Variants in IL18R1 observed in about 807,000 individuals in gnomAD.
IL18R1 encodes interleukin-18 receptor 1.
A neutral mutation model predicts 48.5 loss-of-function variants in IL18R1; 40 were observed. The ratio of observed to expected loss-of-function variants is 0.82; its 90% CI spans 0.64 to 1.07. The LOEUF (loss-of-function observed/expected upper bound fraction) is 1.07. Ranked by LOEUF, IL18R1 falls within the 50% of genes least tolerant of loss-of-function variation. The pLI is 0.00. For missense variants in IL18R1, 596 were observed against 633.7 expected, an observed-to-expected ratio of 0.94 and a Z score of 0.64; for synonymous variants, 232 against 225.9, an observed-to-expected ratio of 1.03 and a Z score of -0.24.
chr2:102,377,874 G>A (rs191408181), intron 5 of IL18R1, among the ~76,000 whole-genome samples: 108 of 152,230 alleles, frequency 7.1e-4, no homozygotes, highest in African/African-American at 2.4e-3. Context: ...GTAACATATC[G>A]TATTCACAGG....
chr2:102,385,186 T>C (rs546758907), intron 7 of IL18R1, among the ~76,000 whole-genome samples, 188 bp downstream of exon 7: 1 of 152,292 alleles, frequency 6.6e-6, no homozygotes, highest in East Asian at 1.9e-4. Flanking sequence ...CAGAAATGTA[T>C]TGCCAAGATC....
intron 3 of IL18R1, among the ~76,000 whole-genome samples, chr2:102,368,579 C>T (rs545272011): frequency 4.6e-5 from 7 of 152,078 alleles, no homozygotes; most frequent in East Asian, 1.9e-4. Context: ...GGCAGCCAAT[C>T]GCAACCCACA....
chr2:102,395,538 C>A (rs1253271888), intron 10 of IL18R1, among the ~76,000 whole-genome samples: 1 of 151,986 alleles, frequency 6.6e-6, no homozygotes, highest in Non-Finnish European at 1.5e-5. Context: ...TAGTAATAAA[C>A]AACTTGTCAA....
Position 102,394,465 on chromosome 2 carries a change from C to T in IL18R1, c.1112-4C>T. ...GAATTAAAAGAGCCAATCTTACCTC[C>T]TAGATGGAAAAACATATGATGCTTT... On this transcript the variant is annotated splice_region_variant and splice_polypyrimidine_tract_variant and intron_variant, in intron 9 of 10. Transcript: ENST00000233957. The T allele has an allele frequency of 6.2e-7, 1 of 1,603,732 alleles. No homozygotes were observed. The highest frequency in any genetic ancestry group is 8.5e-7 in the Non-Finnish European group (1 of 1,174,138).
At chr2:102,370,921 C>T (rs754007248) in intron 3 of IL18R1, among the ~76,000 whole-genome samples, 1 of 152,210 alleles carries the variant, frequency 6.6e-6, no homozygotes, top group Non-Finnish European at 1.5e-5. Context: ...CACGCATCTG[C>T]TGTATTTAGC....
In IL18R1 at chr2:102,376,409, G is replaced by A. The variant is rs948210238; in HGVS notation, c.625+346G>A. ...ATCTATACTCAATAAACTGTACTTA[G>A]CACAAGGAGGCAGGGAAGCAAGGAA... On this transcript the variant is annotated intron_variant, in intron 5 of 10. Transcript: ENST00000233957. Among the ~76,000 whole-genome samples the A allele has an allele frequency of 5.3e-5, 8 of 152,296 alleles. No homozygotes were observed. The South Asian group carries it at 1.7e-3, about 32-fold the overall frequency.
chr2:102,365,895 G>A (rs1305373983), intron 2 of IL18R1, among the ~76,000 whole-genome samples: 2 of 152,136 alleles, frequency 1.3e-5, no homozygotes, highest in Non-Finnish European at 2.9e-5. Flanking sequence ...TGGCTGGAGG[G>A]GTAGGATGCA....
intron 6 of IL18R1, among the ~76,000 whole-genome samples, chr2:102,382,714 TA>T (rs756453893): frequency 2.6e-5 from 4 of 152,216 alleles, no homozygotes; most frequent in Non-Finnish European, 5.9e-5. Flanking sequence ...CCCCACCTTA[TA>T]ACCACAGTTG....
At chr2:102,393,060 C>T (rs964321504) in intron 9 of IL18R1, among the ~76,000 whole-genome samples, 2 of 152,004 alleles carry the variant, frequency 1.3e-5, no homozygotes, top group Non-Finnish European at 2.9e-5. Flanking sequence ...GTAATATAAA[C>T]CCATATTTGA....
At chr2:102,376,254 G>A (rs1679578668) in intron 5 of IL18R1, among the ~76,000 whole-genome samples, 191 bp downstream of exon 5, 1 of 152,042 alleles carries the variant, frequency 6.6e-6, no homozygotes, top group South Asian at 2.1e-4. Context: ...TTTCTTTTTG[G>A]CAGGAAATGA....
chr2:102,370,021 G>C (rs1679159927), intron 3 of IL18R1, among the ~76,000 whole-genome samples: 1 of 152,232 alleles, frequency 6.6e-6, no homozygotes, highest in African/African-American at 2.4e-5. Context: ...TTGGTGAGCA[G>C]CCTCAGAAGT....
rs1680488034 is a variant in IL18R1 at position 102,390,237 on chromosome 2, A to C, written c.1111+20A>C. 1.2e-6 allele frequency: 2 copies of C among 1,604,876 alleles called. No homozygotes were observed. The highest frequency in any genetic ancestry group is 2.2e-5 in the East Asian group (1 of 44,810). On this transcript the variant is annotated intron_variant, in intron 9 of 10. Transcript: ENST00000233957. ...TAACAGGTAACACATATAATGCTGG[A>C]ATTTCTTACCTTATGTTCTCATTAA...
At chr2:102,377,411 T>C (rs932589442) in intron 5 of IL18R1, among the ~76,000 whole-genome samples, 2 of 152,158 alleles carry the variant, frequency 1.3e-5, no homozygotes, top group African/African-American at 4.8e-5. Context: ...GCCTCCTGGG[T>C]TCACACCATT....
At chr2:102,358,567 A>G (rs1240406225) in intron 1 of IL18R1, among the ~76,000 whole-genome samples, 2 of 152,212 alleles carry the variant, frequency 1.3e-5, no homozygotes, top group Non-Finnish European at 2.9e-5. Flanking sequence ...TATGCATTTA[A>G]GATGTATTAA....
intron 6 of IL18R1, among the ~76,000 whole-genome samples, chr2:102,383,205 C>G (rs1680018424): frequency 6.6e-6 from 1 of 152,184 alleles, no homozygotes; most frequent in Admixed American, 6.5e-5. Flanking sequence ...TTAAGGCCCA[C>G]AGTATGGTAT....
chr2:102,396,511 G>T lies in IL18R1; in HGVS notation c.1271-20G>T. Reference sequence around the variant, plus strand: ...CCTTTCAGTTATCTTAAATTAATAGGGGTTATCTTGCATTTTCAGCTGTTG... The same window carrying T: ...CCTTTCAGTTATCTTAAATTAATAGTGGTTATCTTGCATTTTCAGCTGTTG... On this transcript the variant is annotated intron_variant, in intron 10 of 10. Transcript: ENST00000233957. 7.1e-7 allele frequency: 1 copy of T among 1,399,708 alleles called. No homozygotes were observed. The highest frequency in any genetic ancestry group is 1.2e-5 in the South Asian group (1 of 80,006). 86.7% of individuals were successfully genotyped at this position (1,399,708 alleles called of 1,614,324 possible). A position where few individuals can be genotyped will look rare whatever the true frequency, so the allele number is the denominator to read the frequency against.
At chr2:102,357,024 T>G (rs1678290315) in intron 1 of IL18R1, among the ~76,000 whole-genome samples, 1 of 152,204 alleles carries the variant, frequency 6.6e-6, no homozygotes, top group Non-Finnish European at 1.5e-5. Flanking sequence ...CAAGACCCTT[T>G]GCAAATACTG....
chr2:102,384,351 T>C (rs954111494), intron 6 of IL18R1, among the ~76,000 whole-genome samples: 2 of 152,246 alleles, frequency 1.3e-5, no homozygotes, highest in African/African-American at 4.8e-5. Flanking sequence ...AGAGCTTCAC[T>C]GGATTTTCTT....
rs192630473 is a variant in IL18R1 at position 102,380,274 on chromosome 2, G to T, written c.626-1346G>T. 2.6e-5 allele frequency among the ~76,000 whole-genome samples: 4 copies of T among 152,314 alleles called. No individual in the cohort carries two copies. The East Asian group carries it at 7.7e-4, about 29-fold the overall frequency. ...CTCAGGGCTGATCTGGATTTCCAAT[G>T]ATATAATTTGAGTGTTAGTAGACAG... On this transcript the variant is annotated intron_variant, in intron 5 of 10. Transcript: ENST00000233957.
Sources: gnomAD v4.1 joint callset for allele counts (sites outside exome capture counted in the v4.1 genomes callset) on GRCh38, gnomAD v4.1.1 for gene constraint, MANE v1.5 for transcripts, NCBI Gene and HGNC (gene_info 2026-07-23, HGNC 2026-07-21) for gene names.